Variants in KALRN observed in about 807,000 individuals in gnomAD.
KALRN encodes the protein kalirin RhoGEF kinase.
In KALRN, 70 loss-of-function variants were observed where a neutral mutation model predicts 353.7. That is an observed-to-expected ratio of 0.20 (90% CI 0.16 to 0.24). The LOEUF is 0.24. Among genes scored for constraint, KALRN ranks in the 10% least tolerant of loss-of-function variants. The pLI is 1.00. For synonymous variants in KALRN, 1,391 were observed against 1,434.8 expected (o/e 0.97, Z 0.69); for missense variants, 2,791 against 3,756.7 (o/e 0.74, Z 6.72).
chr3:124,271,164 CTT>C (rs952507949), intron 5 of KALRN, among the ~76,000 whole-genome samples: 27 of 152,324 alleles, frequency 1.8e-4, no homozygotes, highest in Admixed American at 1.4e-3. Context: ...TGGAACATCT[CTT>C]TTTTCTTGAG....
chr3:124,426,002 G>A (rs1339266941), intron 15 of KALRN, among the ~76,000 whole-genome samples: 2 of 152,138 alleles, frequency 1.3e-5, no homozygotes, highest in Non-Finnish European at 2.9e-5. Context: ...TGGGACTGTC[G>A]TTCAAGACTG....
intron 34 of KALRN, among the ~76,000 whole-genome samples, chr3:124,602,943 T>G (rs769308084): frequency 1.8e-5 from 2 of 114,238 alleles, no homozygotes; most frequent in African/African-American, 3.2e-5. Flanking sequence ...TTTCGTGGTT[T>G]TTTTTTTGTT....
intron 1 of KALRN, among the ~76,000 whole-genome samples, chr3:124,142,589 G>C (rs1175971290): frequency 6.6e-6 from 1 of 152,156 alleles, no homozygotes; most frequent in African/African-American, 2.4e-5. Flanking sequence ...GGTTCCTGGG[G>C]CTGTCCCTAC....
chr3:124,526,170 G>T (rs948514138), intron 33 of KALRN, among the ~76,000 whole-genome samples: 1 of 152,170 alleles, frequency 6.6e-6, no homozygotes, highest in African/African-American at 2.4e-5. Context: ...AAAGGGGATT[G>T]CTTAGATCAT....
At chr3:124,079,431 C>CAAA (rs2060426238) in intron 1 of KALRN, among the ~76,000 whole-genome samples, 1 of 152,154 alleles carries the variant, frequency 6.6e-6, no homozygotes, top group African/African-American at 2.4e-5. Context: ...TGCTTGTACT[C>CAAA]TGTTCTCTTA....
chr3:124,231,355 G>A (rs992474911), intron 2 of KALRN, among the ~76,000 whole-genome samples: 3 of 152,132 alleles, frequency 2.0e-5, no homozygotes, highest in Non-Finnish European at 2.9e-5. Flanking sequence ...TCTCATGTGG[G>A]GTCCATTTCA....
intron 28 of KALRN, among the ~76,000 whole-genome samples, chr3:124,485,584 T>G (rs1164086992): frequency 6.6e-6 from 1 of 152,194 alleles, no homozygotes; most frequent in Non-Finnish European, 1.5e-5. Flanking sequence ...TATTTTTATT[T>G]TTTTAAGAAA....
intron 21 of KALRN, among the ~76,000 whole-genome samples, chr3:124,453,254 C>T (rs1010668022): frequency 6.6e-6 from 1 of 152,212 alleles, no homozygotes; most frequent in African/African-American, 2.4e-5. Flanking sequence ...TATCCTCACA[C>T]CTACCTCCTT....
intron 45 of KALRN, among the ~76,000 whole-genome samples, chr3:124,666,145 G>A (rs1457381853): frequency 1.3e-5 from 2 of 152,142 alleles, no homozygotes; most frequent in African/African-American, 4.8e-5. Context: ...GAAGGGCCAG[G>A]ATTATGGCTT....
chr3:124,689,557 A>T lies in KALRN; in HGVS notation c.7378-4247A>T, dbSNP rs557669256. Among the ~76,000 whole-genome samples the T allele has an allele frequency of 7.2e-5, 11 of 152,178 alleles. No individual in the cohort carries two copies. The South Asian group carries it at 2.3e-3, about 32-fold the overall frequency. ...TCCTCCTTCCCATCTATCATTTTAC[A>T]TTGACTCCAACCTGTTTCTAAGGAA... On this transcript the variant is annotated intron_variant, in intron 51 of 59. Coordinates refer to ENST00000682506, the MANE Select transcript of KALRN (RefSeq NM_001388419.1).
intron 1 of KALRN, among the ~76,000 whole-genome samples, chr3:124,103,064 T>G (rs1204705913): frequency 6.6e-6 from 1 of 152,166 alleles, no homozygotes; most frequent in Non-Finnish European, 1.5e-5. Flanking sequence ...GGTTGCCCCC[T>G]CTACCTGCTG....
chr3:124,644,364 A>G (rs559286910), intron 37 of KALRN, among the ~76,000 whole-genome samples: 3 of 152,078 alleles, frequency 2.0e-5, no homozygotes, highest in African/African-American at 7.2e-5. Flanking sequence ...TCCAGGATAC[A>G]TGTGCAGAGC....
chr3:124,047,226 G>A (rs995821358), intron 1 of KALRN, among the ~76,000 whole-genome samples: 3 of 152,124 alleles, frequency 2.0e-5, no homozygotes, highest in African/African-American at 7.2e-5. Context: ...TTGAGTGAAT[G>A]TCTGCCATGT....
chr3:124,046,000 A>C (rs1391471820), intron 1 of KALRN, among the ~76,000 whole-genome samples: 1 of 152,226 alleles, frequency 6.6e-6, no homozygotes, highest in African/African-American at 2.4e-5. Context: ...GATGGTAATC[A>C]AAAGGACATT....
intron 1 of KALRN, among the ~76,000 whole-genome samples, chr3:124,140,454 T>C (rs1459336786): frequency 6.6e-6 from 1 of 152,192 alleles, no homozygotes; most frequent in African/African-American, 2.4e-5. Flanking sequence ...GACCTTATCT[T>C]GAGGATGGAA....
chr3:124,479,990 T>C (rs993492536), intron 27 of KALRN, among the ~76,000 whole-genome samples: 2 of 152,188 alleles, frequency 1.3e-5, no homozygotes, highest in Non-Finnish European at 2.9e-5. Context: ...CCCAAAGTGC[T>C]GGGACTACAG....
At chr3:124,047,867 G>A (rs1034476241) in intron 1 of KALRN, among the ~76,000 whole-genome samples, 1 of 151,840 alleles carries the variant, frequency 6.6e-6, no homozygotes, top group Non-Finnish European at 1.5e-5. Flanking sequence ...GCTAACTGTA[G>A]ACCATTTGAA....
chr3:124,526,712 G>A (rs749912458), intron 33 of KALRN, among the ~76,000 whole-genome samples: 1 of 152,140 alleles, frequency 6.6e-6, no homozygotes, highest in African/African-American at 2.4e-5. Context: ...GCTATAAAGG[G>A]TTATGTCCAA....
intron 15 of KALRN, among the ~76,000 whole-genome samples, chr3:124,427,255 A>G (rs547314610): frequency 1.3e-5 from 2 of 152,350 alleles, no homozygotes; most frequent in Admixed American, 6.5e-5. Context: ...CTATAAAACC[A>G]TGAAGGATGA....
Sources: allele counts gnomAD v4.1 joint callset (sites outside exome capture counted in the v4.1 genomes callset), GRCh38; gene constraint gnomAD v4.1.1; transcripts MANE v1.5; gene names NCBI Gene and HGNC (gene_info 2026-07-23, HGNC 2026-07-21).